DHDDS: variants seen among roughly 807,000 people sequenced by gnomAD.
The protein encoded by DHDDS is dehydrodolichyl diphosphate synthase subunit, also known as dehydrodolichyl diphosphate synthase complex subunit DHDDS.
Under a neutral mutation model 46.2 loss-of-function variants are expected in DHDDS, and 16 were observed. The observed-to-expected ratio is 0.35, with a 90% CI of 0.23 to 0.53. The LOEUF is 0.53. Ranked by LOEUF, DHDDS falls within the 20% of genes least tolerant of loss-of-function variation. The pLI, the probability that DHDDS is intolerant of heterozygous loss-of-function variation, is 0.94. For missense variants in DHDDS, 340 were observed against 423.7 expected (o/e 0.80, Z 1.73); for synonymous variants, 151 against 163.1 (o/e 0.93, Z 0.56).
At position 26,454,875 on chromosome 1, in the gene DHDDS, T is replaced by G. The variant is rs940961177; in HGVS notation, c.543-2916T>G. ...ACCAGAGAATCTACATTTAAACCCT[T>G]AAGTTCAGCATTACTCTCTGCATTT... On this transcript the variant is annotated intron_variant, in intron 6 of 8. Coordinates refer to ENST00000236342, the MANE Select transcript of DHDDS (RefSeq NM_205861.3). 32 of 1,593,150 alleles carry G rather than the reference T, an allele frequency of 2.0e-5. No individual in the cohort carries two copies. The South Asian group carries it at 3.3e-4, about 16-fold the overall frequency.
intron 2 of DHDDS, among the ~76,000 whole-genome samples, chr1:26,437,035 T>G (rs1310539928): frequency 6.6e-6 from 1 of 151,924 alleles, no homozygotes; most frequent in African/African-American, 2.4e-5. Flanking sequence ...CTGGGCATGG[T>G]GGCAGGTGCC....
At chr1:26,439,538 C>T (rs975770309) in intron 3 of DHDDS, among the ~76,000 whole-genome samples, 39 of 151,782 alleles carry the variant, frequency 2.6e-4, no homozygotes, top group Admixed American at 9.2e-4. Flanking sequence ...GCTGTGTTCA[C>T]GTCACCGCAA....
At chr1:26,463,529 G>C (rs2075446981) in intron 8 of DHDDS, 1 of 151,756 alleles carries the variant, frequency 6.6e-6, no homozygotes. Flanking sequence ...TTTTTGAAAT[G>C]GAGTTTCGCT....
At chr1:26,445,984 C>T (rs2075264163) in intron 4 of DHDDS, among the ~76,000 whole-genome samples, 1 of 152,182 alleles carries the variant, frequency 6.6e-6, no homozygotes, top group Admixed American at 6.5e-5. Context: ...GATTGCGCCA[C>T]TGCACTCCAG....
At chr1:26,457,667 C>T in intron 6 of DHDDS, 124 bp from the exon 7 acceptor site, 2 of 730,814 alleles carry the variant, frequency 2.7e-6, no homozygotes, top group South Asian at 2.9e-5. Flanking sequence ...GTAGTATTGG[C>T]TAGTGTATTT....
chr1:26,443,735 C>T (rs2075240630), intron 4 of DHDDS, among the ~76,000 whole-genome samples: 1 of 152,134 alleles, frequency 6.6e-6, no homozygotes, highest in Admixed American at 6.5e-5. Context: ...TGGTGAGACT[C>T]TGGGCTACAG....
intron 8 of DHDDS, among the ~76,000 whole-genome samples, chr1:26,462,173 C>A (rs1393999230): frequency 6.6e-6 from 1 of 151,662 alleles, no homozygotes; most frequent in Non-Finnish European, 1.5e-5. Flanking sequence ...GCACACACCA[C>A]CATGCCTGGC....
intron 3 of DHDDS, among the ~76,000 whole-genome samples, chr1:26,440,937 T>G (rs568571283): frequency 7.9e-5 from 12 of 152,096 alleles, no homozygotes; most frequent in African/African-American, 2.6e-4. Flanking sequence ...CTTTTTTTTT[T>G]TTTTTGAGAC....
chr1:26,440,624 C>T (rs2075208843), intron 3 of DHDDS, among the ~76,000 whole-genome samples: 1 of 152,178 alleles, frequency 6.6e-6, no homozygotes, highest in Non-Finnish European at 1.5e-5. Context: ...GTGGTGGGTT[C>T]CAACCCAGAT....
chr1:26,434,436 C>G (rs1489544389), intron 2 of DHDDS, among the ~76,000 whole-genome samples: 1 of 152,168 alleles, frequency 6.6e-6, no homozygotes, highest in Non-Finnish European at 1.5e-5. Context: ...CCTTGGGGAA[C>G]CACTGCAGTG....
In DHDDS at chr1:26,442,833, G is replaced by A. The variant is rs2075231925; in HGVS notation, c.283G>A (p.Asp95Asn). Residue 95 changes from aspartate (D) to asparagine (N), a missense_variant, in exon 4 of 9, where the codon GAT becomes AAT. Around this residue, in one of 2 missense-constraint regions of DHDDS, gnomAD observed 268 missense variants for 300.3 expected, o/e 0.89. Transcript: ENST00000236342. ...CAAGAGTGAGGTAGACGGGCTTATG[G>A]ATCTGGCCCGGCAGAAGTTCAGCCG... Reference protein sequence around the residue: ...RSKSEVDGLMDLARQKFSRLM... With the variant: ...RSKSEVDGLMNLARQKFSRLM... 1 of 1,614,146 alleles carries A rather than the reference G, an allele frequency of 6.2e-7. No homozygotes were observed. Among genetic ancestry groups the A allele is most frequent in the Non-Finnish European group, 8.5e-7 (1 of 1,180,038 alleles).
chr1:26,457,173 T>C (rs1368084588), intron 6 of DHDDS, among the ~76,000 whole-genome samples: 1 of 152,010 alleles, frequency 6.6e-6, no homozygotes, highest in Non-Finnish European at 1.5e-5. Context: ...ATACCTTATG[T>C]ATCTGCTGAG....
chr1:26,444,720 C>T (rs2075251630), intron 4 of DHDDS, among the ~76,000 whole-genome samples: 1 of 152,042 alleles, frequency 6.6e-6, no homozygotes, highest in Non-Finnish European at 1.5e-5. Flanking sequence ...CACTATGCTC[C>T]ATCCTGTGCA....
chr1:26,460,599 T>C (rs892597943), intron 8 of DHDDS, among the ~76,000 whole-genome samples: 2 of 152,234 alleles, frequency 1.3e-5, no homozygotes, highest in Non-Finnish European at 2.9e-5. Context: ...TGTAAACCTA[T>C]GTTGTGTCAA....
At chr1:26,464,113 C>T (rs2075456040) in intron 8 of DHDDS, among the ~76,000 whole-genome samples, 1 of 151,382 alleles carries the variant, frequency 6.6e-6, no homozygotes, top group African/African-American at 2.4e-5. Flanking sequence ...CTGCCTCAGC[C>T]TCCCATGTAG....
intron 8 of DHDDS, among the ~76,000 whole-genome samples, chr1:26,461,917 A>G (rs1251949335): frequency 6.6e-6 from 1 of 152,222 alleles, no homozygotes; most frequent in African/African-American, 2.4e-5. Context: ...TTTCCATATG[A>G]CCAAAGCTCC....
intron 8 of DHDDS, chr1:26,467,637 C>T (rs543413410): frequency 2.1e-4 from 56 of 260,808 alleles, no homozygotes; most frequent in African/African-American, 1.2e-3. Flanking sequence ...GTAAGATATT[C>T]TTTAAACCAT....
At chr1:26,459,828 A>C (rs2075404724) in intron 7 of DHDDS, among the ~76,000 whole-genome samples, 1 of 152,188 alleles carries the variant, frequency 6.6e-6, no homozygotes, top group Non-Finnish European at 1.5e-5. Flanking sequence ...TACCACAGGC[A>C]GGTGATCTGG....
intron 8 of DHDDS, among the ~76,000 whole-genome samples, chr1:26,468,079 A>G (rs964017526): frequency 6.6e-6 from 1 of 152,220 alleles, no homozygotes; most frequent in Non-Finnish European, 1.5e-5. Flanking sequence ...CTGGTGTCAG[A>G]GCTGGTTGCA....
Sources: gnomAD v4.1 joint callset for allele counts (sites outside exome capture counted in the v4.1 genomes callset) on GRCh38, gnomAD v4.1.1 for gene constraint, gnomAD v4.1.1 regional missense constraint, MANE v1.5 for transcripts, NCBI Gene and HGNC (gene_info 2026-07-23, HGNC 2026-07-21) for gene names.